Variants in EEFSEC observed in about 807,000 individuals in gnomAD.
EEFSEC encodes the protein selenocysteine-specific elongation factor.
Under a neutral mutation model 42.1 loss-of-function variants are expected in EEFSEC, and 43 were observed. The ratio of observed to expected loss-of-function variants is 1.02; its 90% CI spans 0.80 to 1.32. The LOEUF (loss-of-function observed/expected upper bound fraction) is 1.32, where lower values mean the gene tolerates loss of function less well. Ranked by LOEUF, EEFSEC falls within the 40% of genes most tolerant of loss-of-function variation. The pLI, the probability that EEFSEC is intolerant of heterozygous loss-of-function variation, is 0.00. For synonymous variants in EEFSEC, 354 were observed against 339.1 expected, an observed-to-expected ratio of 1.04 and a Z score of -0.48; for missense variants, 745 against 803.6, an observed-to-expected ratio of 0.93 and a Z score of 0.88.
chr3:128,385,632 G>A (rs1235369063), intron 6 of EEFSEC, among the ~76,000 whole-genome samples: 1 of 152,240 alleles, frequency 6.6e-6, no homozygotes, highest in Non-Finnish European at 1.5e-5. Flanking sequence ...AGCACGTGCT[G>A]ACTGTTTTAT....
chr3:128,298,497 G>T (rs928291568), intron 4 of EEFSEC, among the ~76,000 whole-genome samples: 6 of 152,276 alleles, frequency 3.9e-5, no homozygotes, highest in Admixed American at 6.5e-5. Context: ...GGGCACATAT[G>T]ATATTTTGAT....
intron 5 of EEFSEC, among the ~76,000 whole-genome samples, chr3:128,349,231 AG>A (rs1387700003): frequency 5.9e-5 from 9 of 151,676 alleles, no homozygotes; most frequent in Admixed American, 5.2e-4. Flanking sequence ...TTCACCCTGC[AG>A]GGGGGAGTAA....
chr3:128,272,145 G>A (rs1181528606), intron 4 of EEFSEC, among the ~76,000 whole-genome samples: 3 of 152,208 alleles, frequency 2.0e-5, no homozygotes, highest in Admixed American at 2.0e-4. Flanking sequence ...ACACACTCAG[G>A]TGGCACCTTC....
At chr3:128,277,028 C>T (rs988946205) in intron 4 of EEFSEC, among the ~76,000 whole-genome samples, 1 of 152,332 alleles carries the variant, frequency 6.6e-6, no homozygotes, top group Non-Finnish European at 1.5e-5. Context: ...GAAGCAGACC[C>T]TTCTGGGCAG....
intron 4 of EEFSEC, among the ~76,000 whole-genome samples, chr3:128,330,751 G>C (rs561851672): frequency 9.4e-4 from 106 of 112,318 alleles, no homozygotes; most frequent in East Asian, 1.8e-3. Flanking sequence ...CCTCTTCCCC[G>C]CTTCCTCAGT....
chr3:128,281,724 C>G (rs537440993), intron 4 of EEFSEC, among the ~76,000 whole-genome samples: 1 of 152,252 alleles, frequency 6.6e-6, no homozygotes, highest in East Asian at 1.9e-4. Flanking sequence ...CAAGCATGTC[C>G]TAAGGACAGA....
chr3:128,418,658 C>T, the EEFSEC span, among the ~76,000 whole-genome samples: 1 of 151,846 alleles, frequency 6.6e-6, no homozygotes, highest in Non-Finnish European at 1.5e-5. Context: ...GCCCAGCACC[C>T]CCCAACTTTG....
chr3:128,211,489 A>C (rs2065755724), intron 1 of EEFSEC, among the ~76,000 whole-genome samples: 1 of 152,072 alleles, frequency 6.6e-6, no homozygotes. Context: ...AACATGTAAA[A>C]ATTTAGACTG....
At chr3:128,156,597 CT>C (rs1290318048) in intron 1 of EEFSEC, among the ~76,000 whole-genome samples, 1 of 152,236 alleles carries the variant, frequency 6.6e-6, no homozygotes, top group Non-Finnish European at 1.5e-5. Context: ...ATATTTCAAA[CT>C]TTTCATCAAA....
At chr3:128,351,366 A>G (rs916683442) in intron 5 of EEFSEC, among the ~76,000 whole-genome samples, 6 of 152,212 alleles carry the variant, frequency 3.9e-5, no homozygotes, top group African/African-American at 1.4e-4. Context: ...TATCATCAAC[A>G]TCAACACCCC....
At chr3:128,240,415 C>T (rs2066057916) in intron 1 of EEFSEC, among the ~76,000 whole-genome samples, 1 of 152,136 alleles carries the variant, frequency 6.6e-6, no homozygotes, top group African/African-American at 2.4e-5. Context: ...TGAACATATC[C>T]AAGCTTGGGG....
At chr3:128,423,487 A>C in the EEFSEC span, among the ~76,000 whole-genome samples, 6 of 151,958 alleles carry the variant, frequency 3.9e-5, no homozygotes, top group South Asian at 2.1e-4. Context: ...TCAATAAATA[A>C]ATAAATAAAT....
At chr3:128,337,577 T>C (rs1176389677) in intron 4 of EEFSEC, among the ~76,000 whole-genome samples, 2 of 152,154 alleles carry the variant, frequency 1.3e-5, no homozygotes, top group African/African-American at 4.8e-5. Flanking sequence ...CAGGTATGAT[T>C]TTGCCACAAG....
Position 128,341,598 on chromosome 3 carries a change from G to A in EEFSEC, c.1152G>A (p.Leu384=), listed in dbSNP as rs1340343842. ...AGGAGCAGTACCTGTCCAAGGATTTGACACCAGCAGTGACAGACAATGATG... is the reference window on the plus strand; with the variant it reads ...AGGAGCAGTACCTGTCCAAGGATTTAACACCAGCAGTGACAGACAATGATG... ...LFQEQYLSKD[L]TPAVTDNDEA... The change falls in exon 5 of 7, where the codon TTG becomes TTA. Residue 384 remains leucine (L), a synonymous_variant. Transcript: ENST00000254730. 6.2e-7 allele frequency: 1 copy of A among 1,614,036 alleles called. No individual in the cohort carries two copies. Among genetic ancestry groups the A allele is most frequent in the South Asian group, 1.1e-5 (1 of 91,088 alleles).
intron 1 of EEFSEC, chr3:128,154,058 TAAA>T (rs376181797): frequency 8.5e-3 from 2,450 of 286,900 alleles, no homozygotes; most frequent in Middle Eastern, 0.01. Flanking sequence ...GCGCCTTCCT[TAAA>T]AAAAAAAAAA....
chr3:128,240,247 G>C (rs1298899607), intron 1 of EEFSEC, among the ~76,000 whole-genome samples: 2 of 152,206 alleles, frequency 1.3e-5, no homozygotes, highest in African/African-American at 2.4e-5. Flanking sequence ...TCGACCAAGA[G>C]TGATGGGGCC....
chr3:128,290,693 A>C (rs1576611615), intron 4 of EEFSEC, among the ~76,000 whole-genome samples: 2 of 151,638 alleles, frequency 1.3e-5, no homozygotes, highest in Admixed American at 6.6e-5. Context: ...CTTCCTATTG[A>C]TATAGGTCTT....
intron 1 of EEFSEC, among the ~76,000 whole-genome samples, chr3:128,169,012 A>C (rs942138827): frequency 1.3e-5 from 2 of 152,204 alleles, no homozygotes; most frequent in African/African-American, 4.8e-5. Context: ...GTGGTCAACA[A>C]AGCAGAAGTG....
intron 1 of EEFSEC, among the ~76,000 whole-genome samples, chr3:128,211,454 A>G (rs2065755192): frequency 6.6e-6 from 1 of 152,110 alleles, no homozygotes; most frequent in African/African-American, 2.4e-5. Flanking sequence ...GTATCTAGAG[A>G]TAACATACTG....
Sources: allele counts gnomAD v4.1 joint callset (sites outside exome capture counted in the v4.1 genomes callset), GRCh38; gene constraint gnomAD v4.1.1; transcripts MANE v1.5; gene names NCBI Gene and HGNC (gene_info 2026-07-23, HGNC 2026-07-21).